The following GTF2H1 variants were observed in gnomAD, a reference collection of about 807,000 sequenced individuals.
The protein encoded by GTF2H1 is general transcription factor IIH subunit 1.
GTF2H1 carries 16 observed loss-of-function variants against 71.2 expected under a neutral mutation model. The ratio of observed to expected loss-of-function variants is 0.22; its 90% confidence interval spans 0.15 to 0.34. The LOEUF is 0.34. Ranked by LOEUF, GTF2H1 falls within the 10% of genes least tolerant of loss-of-function variation. GTF2H1 has a pLI of 1.00. For missense variants in GTF2H1, 498 were observed against 648.2 expected (o/e 0.77, Z 2.52); for synonymous variants, 215 against 219.0 (o/e 0.98, Z 0.16).
intron 1 of GTF2H1, among the ~76,000 whole-genome samples, chr11:18,323,901 T>G (rs1336316815): frequency 6.6e-6 from 1 of 152,026 alleles, no homozygotes; most frequent in Non-Finnish European, 1.5e-5. Context: ...GATGGAGAGG[T>G]CACAACCGCA....
Position 18,366,203 on chromosome 11 carries a change from T to G in GTF2H1, c.*334T>G. 4.2e-6 allele frequency: 1 copy of G among 237,738 alleles called. No individual in the cohort carries two copies. Among genetic ancestry groups the G allele is most frequent in the Non-Finnish European group, 8.1e-6 (1 of 124,034 alleles). 14.7% of individuals were successfully genotyped at this position (237,738 alleles called of 1,614,324 possible). On this transcript the variant is annotated 3_prime_UTR_variant, in exon 15 of 15. Coordinates refer to ENST00000265963, the MANE Select transcript of GTF2H1 (RefSeq NM_005316.4). ...CAGTTGCTCAGGAACTGCTTTTGAT[T>G]CACATTAAGCTGCTTTCAGAAATTA...
rs1301399370 is a variant in GTF2H1 at position 18,322,690 on chromosome 11, C to G, written c.-66C>G. On this transcript the variant is annotated 5_prime_UTR_variant, in exon 1 of 15. Transcript: ENST00000265963. ...TCTAAGAAGCGCAGCGGAACTCGAC[C>G]GGATCCAACCCAGTTAGTTACTTCC... is the stretch of plus-strand genomic sequence containing the variant. The G allele has an allele frequency of 6.6e-6, 1 of 150,484 alleles. No homozygotes were observed. Among genetic ancestry groups the G allele is most frequent in the Non-Finnish European group, 1.5e-5 (1 of 67,996 alleles). The allele number at this position is 150,484 out of a possible 1,614,324, so 9.3% of individuals were successfully genotyped here.
At chr11:18,353,379 C>G (rs1027507620) in intron 11 of GTF2H1, among the ~76,000 whole-genome samples, 4 of 152,228 alleles carry the variant, frequency 2.6e-5, no homozygotes, top group Non-Finnish European at 5.9e-5. Context: ...GCCCACTACT[C>G]GAGTCTCATC....
chr11:18,329,112 G>T (rs1453416002), intron 1 of GTF2H1, among the ~76,000 whole-genome samples: 1 of 152,144 alleles, frequency 6.6e-6, no homozygotes, highest in East Asian at 1.9e-4. Context: ...GATTACATTT[G>T]TAAGGTGGGT....
In GTF2H1 at chr11:18,341,491, A is replaced by G. The variant is rs759497518; in HGVS notation, c.758-37A>G. On this transcript the variant is annotated intron_variant, in intron 6 of 14. Coordinates refer to ENST00000265963, the MANE Select transcript of GTF2H1 (RefSeq NM_005316.4). ...ATAAGTGTTAATTTCTGAGACAGAT[A>G]AGACATGCTGAACTTTTTATTTTGT... 19 of 1,604,836 alleles carry G rather than the reference A, an allele frequency of 1.2e-5. 1 individual carries two copies. In the South Asian group the frequency reaches 1.9e-4, roughly 16 times the overall value.
intron 1 of GTF2H1, among the ~76,000 whole-genome samples, chr11:18,327,485 C>T (rs1353339606): frequency 1.3e-5 from 2 of 152,208 alleles, no homozygotes; most frequent in East Asian, 1.9e-4. Flanking sequence ...TTCTCAGACC[C>T]AGTTTCCTTA....
intron 3 of GTF2H1, among the ~76,000 whole-genome samples, chr11:18,336,610 C>T (rs540916092): frequency 5.9e-5 from 9 of 152,082 alleles, no homozygotes; most frequent in Admixed American, 5.9e-4. Flanking sequence ...GGAGCAGAAC[C>T]GGGATTGGAA....
chr11:18,338,004 AGTT>A, intron 3 of GTF2H1, 102 bp from the exon 4 acceptor site: 1 of 696,468 alleles, frequency 1.4e-6, no homozygotes, highest in East Asian at 2.5e-5. Flanking sequence ...ACAAAATAAA[AGTT>A]GTGTGTTTCA....
intron 5 of GTF2H1, among the ~76,000 whole-genome samples, chr11:18,340,005 A>G (rs1865120140): frequency 6.6e-6 from 1 of 151,812 alleles, no homozygotes; most frequent in South Asian, 2.1e-4. Context: ...ATGTGTAGAC[A>G]AGGATGAGAG....
chr11:18,334,772 C>A (rs573626855), intron 2 of GTF2H1, among the ~76,000 whole-genome samples: 1 of 152,278 alleles, frequency 6.6e-6, no homozygotes, highest in African/African-American at 2.4e-5. Context: ...TGAAAACCTA[C>A]GTAATATGCC....
intron 9 of GTF2H1, 122 bp from the exon 10 acceptor site, chr11:18,351,759 A>G (rs995011668): frequency 5.2e-6 from 3 of 582,236 alleles, no homozygotes; most frequent in Non-Finnish European, 9.5e-6. Flanking sequence ...ATCTCTAGGA[A>G]GAGAAGCTCA....
rs1247306905 is a variant in GTF2H1 at position 18,351,940 on chromosome 11, G to A, written c.1113G>A (p.Thr371=). The change falls in exon 10 of 15, where the codon ACG becomes ACA. Residue 371 remains threonine (T), a synonymous_variant. Transcript: ENST00000265963. ...EDLGKNNSVK[T]IALNLKKSDR... is the part of the protein sequence containing the mutation. ...TGGGGAAAAATAATTCTGTAAAAACGATTGCACTAAACCTCAAGAAGTCAG... is the reference window on the plus strand; with the variant it reads ...TGGGGAAAAATAATTCTGTAAAAACAATTGCACTAAACCTCAAGAAGTCAG... 13 of 1,597,256 alleles carry A rather than the reference G, an allele frequency of 8.1e-6. No homozygotes were observed. Among genetic ancestry groups the A allele is most frequent in the Non-Finnish European group, 1.1e-5 (13 of 1,165,004 alleles).
At chr11:18,357,861 G>T (rs2133987563) in intron 11 of GTF2H1, 91 bp from the exon 12 acceptor site, 4 of 759,762 alleles carry the variant, frequency 5.3e-6, no homozygotes, top group South Asian at 3.0e-5. Context: ...GCACTTCATT[G>T]TCTGCTCTAA....
At chr11:18,339,848 T>G (rs1428084482) in intron 5 of GTF2H1, among the ~76,000 whole-genome samples, 191 bp downstream of exon 5, 1 of 152,216 alleles carries the variant, frequency 6.6e-6, no homozygotes, top group Admixed American at 6.5e-5. Flanking sequence ...TTCACTAATA[T>G]GACTGCCATT....
intron 1 of GTF2H1, among the ~76,000 whole-genome samples, chr11:18,331,026 A>C (rs1864882244): frequency 6.6e-6 from 1 of 152,118 alleles, no homozygotes; most frequent in African/African-American, 2.4e-5. Flanking sequence ...AATAAGAAGT[A>C]ATAATTGTTT....
chr11:18,338,425 CTAT>C, intron 4 of GTF2H1, 151 bp downstream of exon 4: 2 of 589,598 alleles, frequency 3.4e-6, no homozygotes, highest in Non-Finnish European at 3.0e-6. Context: ...TATTATTGAA[CTAT>C]TATTATTATG....
chr11:18,337,533 T>G (rs1322638256), intron 3 of GTF2H1, among the ~76,000 whole-genome samples: 3 of 152,182 alleles, frequency 2.0e-5, no homozygotes, highest in Non-Finnish European at 4.4e-5. Flanking sequence ...AGAGAATACA[T>G]TCAGCCTTCC....
chr11:18,325,790 A>G (rs1457159845), intron 1 of GTF2H1, among the ~76,000 whole-genome samples: 2 of 152,250 alleles, frequency 1.3e-5, no homozygotes, highest in Non-Finnish European at 2.9e-5. Flanking sequence ...TTAACTGCAA[A>G]TAAATTAATG....
intron 10 of GTF2H1, 161 bp from the exon 11 acceptor site, chr11:18,352,168 C>T (rs1865443162): frequency 6.3e-6 from 4 of 632,186 alleles, no homozygotes; most frequent in Non-Finnish European, 1.1e-5. Flanking sequence ...CTGTTGCTTT[C>T]TTATTGCCCT....
Sources: gnomAD v4.1 joint callset for allele counts (sites outside exome capture counted in the v4.1 genomes callset) on GRCh38, gnomAD v4.1.1 for gene constraint, MANE v1.5 for transcripts, NCBI Gene and HGNC (gene_info 2026-07-23, HGNC 2026-07-21) for gene names.